Variants in CTNNA3 observed in about 807,000 individuals in gnomAD.
The protein encoded by CTNNA3 is catenin alpha 3, also known as catenin alpha-3.
Under a neutral mutation model 95.7 loss-of-function variants are expected in CTNNA3, and 76 were observed. That is an observed-to-expected ratio of 0.79 (90% confidence interval 0.66 to 0.96). The LOEUF (loss-of-function observed/expected upper bound fraction) is 0.96. Ranked by LOEUF, CTNNA3 falls within the 40% of genes least tolerant of loss-of-function variation. The pLI, the probability that CTNNA3 is intolerant of heterozygous loss-of-function variation, is 0.00. For missense variants in CTNNA3, 1,191 were observed against 1,089.8 expected (o/e 1.09, Z -1.31); for synonymous variants, 431 against 374.4 (o/e 1.15, Z -1.74).
At chr10:67,704,801 T>C (rs1841067611) in intron 1 of CTNNA3, among the ~76,000 whole-genome samples, 1 of 152,166 alleles carries the variant, frequency 6.6e-6, no homozygotes, top group Non-Finnish European at 1.5e-5. Context: ...CTCAAGAGCT[T>C]CTGCACAGCA....
At chr10:66,870,652 C>A (rs1844359694) in intron 7 of CTNNA3, among the ~76,000 whole-genome samples, 1 of 152,168 alleles carries the variant, frequency 6.6e-6, no homozygotes. Flanking sequence ...TCTGCTTAAT[C>A]TAATTTCACC....
intron 3 of CTNNA3, among the ~76,000 whole-genome samples, chr10:67,563,993 A>G (rs1263153172): frequency 2.7e-5 from 4 of 148,968 alleles, no homozygotes; most frequent in Non-Finnish European, 5.9e-5. Context: ...TCAGGAAACA[A>G]CAGGTGCTGG....
chr10:66,537,013 T>C (rs939935373), intron 10 of CTNNA3, among the ~76,000 whole-genome samples: 24 of 151,924 alleles, frequency 1.6e-4, no homozygotes, highest in African/African-American at 5.8e-4. Flanking sequence ...GAGGTTAAAT[T>C]AGAAGCAAAG....
chr10:66,331,200 G>T (rs1261610625), intron 12 of CTNNA3, among the ~76,000 whole-genome samples: 1 of 151,814 alleles, frequency 6.6e-6, no homozygotes, highest in Non-Finnish European at 1.5e-5. Context: ...ATGGTTTTAG[G>T]TCTAACGTTT....
Position 66,342,256 on chromosome 10 carries a change from T to A in CTNNA3, c.1732+36896A>T, listed in dbSNP as rs373238382. ...AATGTGCTGGCTTTAAACGCTGGGA[T>A]CATGTCATCATCACTGTTTCCTCAG... On this transcript the variant is annotated intron_variant, in intron 12 of 17. Coordinates refer to ENST00000433211, the MANE Select transcript of CTNNA3 (RefSeq NM_013266.4). Among the ~76,000 whole-genome samples, 79 of 152,098 alleles carry A rather than the reference T, an allele frequency of 5.2e-4. 2 individuals carry two copies. The South Asian group carries it at 6.2e-3, about 12-fold the overall frequency.
intron 7 of CTNNA3, among the ~76,000 whole-genome samples, chr10:66,846,766 A>G (rs1034543214): frequency 3.3e-5 from 5 of 152,192 alleles, no homozygotes; most frequent in Non-Finnish European, 5.9e-5. Context: ...TGTCAGTCTC[A>G]AATCAGGTCA....
chr10:66,100,488 C>T (rs1414975409), intron 14 of CTNNA3, among the ~76,000 whole-genome samples: 1 of 152,130 alleles, frequency 6.6e-6, no homozygotes, highest in Admixed American at 6.6e-5. Flanking sequence ...CAGTAGATTT[C>T]GTGGTCAGGG....
chr10:65,959,911 C>T (rs2077808033), intron 17 of CTNNA3, among the ~76,000 whole-genome samples: 1 of 152,156 alleles, frequency 6.6e-6, no homozygotes, highest in Non-Finnish European at 1.5e-5. Flanking sequence ...AAGATCCAGA[C>T]AATGTCCTGG....
intron 7 of CTNNA3, among the ~76,000 whole-genome samples, chr10:66,976,871 T>C (rs7073143): frequency 0.23 from 35,200 of 152,102 alleles, 4,341 homozygotes; most frequent in East Asian, 0.37. Flanking sequence ...CTTGTTTTTG[T>C]CTAAAGACAG....
At chr10:67,361,969 C>T (rs932349070) in intron 5 of CTNNA3, among the ~76,000 whole-genome samples, 4 of 151,996 alleles carry the variant, frequency 2.6e-5, no homozygotes, top group Non-Finnish European at 4.4e-5. Context: ...TACAAAAGAT[C>T]CTCAGAAACT....
At chr10:66,640,437 A>G (rs1292021444) in intron 9 of CTNNA3, among the ~76,000 whole-genome samples, 1 of 152,152 alleles carries the variant, frequency 6.6e-6, no homozygotes, top group East Asian at 1.9e-4. Flanking sequence ...CTGAAAGGTC[A>G]CCTGAGCTCC....
intron 7 of CTNNA3, among the ~76,000 whole-genome samples, chr10:67,046,950 A>AT (rs1854790587): frequency 2.0e-5 from 3 of 152,202 alleles, no homozygotes; most frequent in Non-Finnish European, 4.4e-5. Context: ...AAGAAGAAAT[A>AT]ATTACCAATT....
chr10:66,230,078 T>C (rs1175131831), intron 13 of CTNNA3, among the ~76,000 whole-genome samples: 2 of 152,148 alleles, frequency 1.3e-5, no homozygotes, highest in East Asian at 3.9e-4. Flanking sequence ...TCAGGTTGGA[T>C]CTTTTTAAAC....
intron 15 of CTNNA3, among the ~76,000 whole-genome samples, chr10:66,017,873 A>G (rs2079125171): frequency 6.6e-6 from 1 of 152,080 alleles, no homozygotes; most frequent in Admixed American, 6.6e-5. Flanking sequence ...CTGAAGAATA[A>G]TTCATTTTCT....
intron 5 of CTNNA3, among the ~76,000 whole-genome samples, chr10:67,371,886 A>G (rs889995231): frequency 1.3e-5 from 2 of 152,122 alleles, no homozygotes; most frequent in African/African-American, 4.8e-5. Flanking sequence ...CCTCTCCAGC[A>G]CCTGCTGTTT....
chr10:66,261,557 C>G (rs1430970774), intron 13 of CTNNA3, among the ~76,000 whole-genome samples: 1 of 151,952 alleles, frequency 6.6e-6, no homozygotes, highest in Non-Finnish European at 1.5e-5. Context: ...TGAAGGCATT[C>G]TCAGGGGTTA....
chr10:67,746,077 A>C (rs1841373625), intron 1 of CTNNA3, among the ~76,000 whole-genome samples: 1 of 152,202 alleles, frequency 6.6e-6, no homozygotes, highest in African/African-American at 2.4e-5. Flanking sequence ...AAAACAATTC[A>C]AAAATTTACA....
intron 7 of CTNNA3, among the ~76,000 whole-genome samples, chr10:66,840,843 C>T (rs985797269): frequency 6.6e-6 from 1 of 151,960 alleles, no homozygotes; most frequent in Non-Finnish European, 1.5e-5. Context: ...TATGAATAGC[C>T]AAAGAGAAGC....
At chr10:66,300,819 A>T (rs2091850528) in intron 12 of CTNNA3, among the ~76,000 whole-genome samples, 1 of 152,124 alleles carries the variant, frequency 6.6e-6, no homozygotes, top group Non-Finnish European at 1.5e-5. Flanking sequence ...AAAATAAATT[A>T]TACAAATTAG....
Sources: allele counts gnomAD v4.1 joint callset (sites outside exome capture counted in the v4.1 genomes callset), GRCh38; gene constraint gnomAD v4.1.1; transcripts MANE v1.5; gene names NCBI Gene and HGNC (gene_info 2026-07-23, HGNC 2026-07-21).